The following CUEDC1 variants were observed in gnomAD, a reference collection of about 807,000 sequenced individuals.
The protein encoded by CUEDC1 is CUE domain-containing protein 1.
CUEDC1 carries 30 observed loss-of-function variants against 43.7 expected under a neutral mutation model. The observed-to-expected ratio is 0.69, with a 90% CI of 0.51 to 0.93. The LOEUF is 0.93. Among genes scored for constraint, CUEDC1 ranks in the 40% least tolerant of loss-of-function variants. The pLI is 0.00. For synonymous variants in CUEDC1, 223 were observed against 223.6 expected, an observed-to-expected ratio of 1.00 and a Z score of 0.02; for missense variants, 486 against 549.0, an observed-to-expected ratio of 0.89 and a Z score of 1.15.
Position 57,861,398 on chromosome 17 carries a change from G to A in CUEDC1, c.*1891C>T, listed in dbSNP as rs1358619390. ...GCGACAGCGCTAGACGCAGCCGGCA[G>A]GTCCGCAAGGTTGAGGTGCAGCGGT... On this transcript the variant is annotated 3_prime_UTR_variant, in exon 11 of 11. Transcript: ENST00000577830. The A allele has an allele frequency of 1.3e-5, 2 of 152,336 alleles. No homozygotes were observed. Among genetic ancestry groups the A allele is most frequent in the Non-Finnish European group, 2.9e-5 (2 of 68,122 alleles). The allele number at this position is 152,336 out of a possible 1,614,324, so 9.4% of individuals were successfully genotyped here. A position where few individuals can be genotyped will look rare whatever the true frequency, so the allele number is the denominator to read the frequency against.
At chr17:57,908,393 C>CTTGGGCA (rs904589607) in intron 1 of CUEDC1, among the ~76,000 whole-genome samples, 1 of 152,134 alleles carries the variant, frequency 6.6e-6, no homozygotes, top group African/African-American at 2.4e-5. Context: ...CACAGAGGAG[C>CTTGGGCA]TTGGGCACAC....
chr17:57,940,231 G>A lies in CUEDC1; in HGVS notation c.-316+14994C>T, dbSNP rs2074904727. Among the ~76,000 whole-genome samples, 4 of 150,456 alleles carry A rather than the reference G, an allele frequency of 2.7e-5. No individual in the cohort carries two copies. The South Asian group carries it at 8.4e-4, about 31-fold the overall frequency. On this transcript the variant is annotated intron_variant, in intron 1 of 10. Coordinates refer to ENST00000577830, the MANE Select transcript of CUEDC1 (RefSeq NM_001271875.2). ...TTCCCTGGATTAAAGGAAGTGGCAG[G>A]TATTCCATTTCTGTCAGTGTTTAAA...
intron 1 of CUEDC1, among the ~76,000 whole-genome samples, chr17:57,942,640 T>C (rs1598025582): frequency 2.0e-5 from 3 of 151,924 alleles, no homozygotes; most frequent in South Asian, 4.2e-4. Flanking sequence ...CCACCCGCCT[T>C]GGTCTCCCAA....
chr17:57,904,840 G>C (rs2074511621), intron 1 of CUEDC1, among the ~76,000 whole-genome samples: 1 of 152,166 alleles, frequency 6.6e-6, no homozygotes, highest in Non-Finnish European at 1.5e-5. Context: ...GGCTTGTTCA[G>C]GGAAGCTACC....
At chr17:57,928,094 G>C (rs886419553) in intron 1 of CUEDC1, among the ~76,000 whole-genome samples, 49 of 152,228 alleles carry the variant, frequency 3.2e-4, no homozygotes, top group African/African-American at 1.1e-3. Flanking sequence ...CTGGCACAAG[G>C]TTCTTAGCGA....
intron 1 of CUEDC1, among the ~76,000 whole-genome samples, chr17:57,928,773 T>C (rs1056932343): frequency 3.2e-5 from 4 of 125,334 alleles, no homozygotes; most frequent in Non-Finnish European, 4.8e-5. Flanking sequence ...CCACCCAGCC[T>C]GCCTGGGAGA....
intron 1 of CUEDC1, chr17:57,922,380 C>T (rs9904850): frequency 0.18 from 27,661 of 152,052 alleles, 3,294 homozygotes; most frequent in African/African-American, 0.34. Context: ...TGACCTCCCC[C>T]CTCTGTTCAT....
At chr17:57,898,894 G>A (rs893726045) in intron 1 of CUEDC1, among the ~76,000 whole-genome samples, 7 of 152,304 alleles carry the variant, frequency 4.6e-5, no homozygotes, top group African/African-American at 1.2e-4. Flanking sequence ...GGTAGGAGAA[G>A]TGATTGGAAT....
intron 1 of CUEDC1, among the ~76,000 whole-genome samples, chr17:57,893,119 C>T (rs924841898): frequency 6.6e-6 from 1 of 152,232 alleles, no homozygotes; most frequent in Non-Finnish European, 1.5e-5. Context: ...AGAATGAGGT[C>T]ATATGACCCT....
At chr17:57,912,608 T>A (rs932989742) in intron 1 of CUEDC1, 3 of 150,588 alleles carry the variant, frequency 2.0e-5, no homozygotes, top group Non-Finnish European at 4.4e-5. Context: ...ATTTACTACT[T>A]AAAAAAAATA....
chr17:57,904,774 G>C (rs533395830), intron 1 of CUEDC1, among the ~76,000 whole-genome samples: 2 of 152,058 alleles, frequency 1.3e-5, no homozygotes, highest in South Asian at 2.1e-4. Context: ...GTAGGGGAGT[G>C]GGGGGGCCTC....
chr17:57,914,853 G>A (rs966192713), intron 1 of CUEDC1, among the ~76,000 whole-genome samples: 2 of 152,234 alleles, frequency 1.3e-5, no homozygotes, highest in African/African-American at 4.8e-5. Flanking sequence ...GGAACTCTGA[G>A]TGGCATTAAA....
At chr17:57,867,505 A>C in intron 8 of CUEDC1, 90 bp from the exon 9 acceptor site, 1 of 1,214,974 alleles carries the variant, frequency 8.2e-7, no homozygotes, top group African/African-American at 1.5e-5. Flanking sequence ...CCACCCCTCA[A>C]AGCTCTGGAG....
chr17:57,921,530 G>C (rs1367288037), intron 1 of CUEDC1, among the ~76,000 whole-genome samples: 1 of 152,222 alleles, frequency 6.6e-6, no homozygotes, highest in African/African-American at 2.4e-5. Flanking sequence ...GTTAGGCTTG[G>C]ACGTGGTTCA....
chr17:57,910,113 T>C (rs990083894), intron 1 of CUEDC1, among the ~76,000 whole-genome samples: 4 of 152,068 alleles, frequency 2.6e-5, no homozygotes, highest in Non-Finnish European at 5.9e-5. Flanking sequence ...CTCAGCCTCT[T>C]GAGTAGCTGG....
intron 1 of CUEDC1, among the ~76,000 whole-genome samples, chr17:57,910,034 G>A (rs2074567372): frequency 1.3e-5 from 2 of 152,272 alleles, no homozygotes; most frequent in South Asian, 4.1e-4. Context: ...TGTTGCCCAG[G>A]CTGGAGTGCA....
At chr17:57,875,844 G>T (rs1284499978) in intron 3 of CUEDC1, among the ~76,000 whole-genome samples, 1 of 152,156 alleles carries the variant, frequency 6.6e-6, no homozygotes, top group Non-Finnish European at 1.5e-5. Flanking sequence ...TCAGACTCAG[G>T]ACTTCCAGGT....
intron 7 of CUEDC1, chr17:57,868,512 G>A: frequency 2.0e-6 from 1 of 508,926 alleles, no homozygotes; most frequent in South Asian, 2.2e-5. Flanking sequence ...GGCGGCTCAA[G>A]ATCCAAGTAT....
intron 1 of CUEDC1, among the ~76,000 whole-genome samples, chr17:57,888,996 C>T (rs1319351500): frequency 6.6e-6 from 1 of 152,108 alleles, no homozygotes; most frequent in African/African-American, 2.4e-5. Context: ...ACAGCTCCCT[C>T]GGGTTCTGGG....
Sources: gnomAD v4.1 joint callset for allele counts (sites outside exome capture counted in the v4.1 genomes callset) on GRCh38, gnomAD v4.1.1 for gene constraint, MANE v1.5 for transcripts, NCBI Gene and HGNC (gene_info 2026-07-23, HGNC 2026-07-21) for gene names.